Variants in RBMS3 observed in about 807,000 individuals in gnomAD.
RBMS3 encodes RNA-binding motif, single-stranded-interacting protein 3.
A neutral mutation model predicts 66.8 loss-of-function variants in RBMS3; 27 were observed. The observed-to-expected ratio is 0.40, with a 90% CI of 0.30 to 0.56. The LOEUF (loss-of-function observed/expected upper bound fraction) is 0.56, where lower values mean the gene tolerates loss of function less well. RBMS3 is among the 20% of genes least tolerant of loss of function. The pLI is 0.40. For synonymous variants in RBMS3, 188 were observed against 183.0 expected (o/e 1.03, Z -0.22); for missense variants, 513 against 549.5 (o/e 0.93, Z 0.66).
intron 6 of RBMS3, among the ~76,000 whole-genome samples, chr3:29,832,472 G>A (rs991516855): frequency 2.1e-4 from 31 of 149,490 alleles, no homozygotes; most frequent in Non-Finnish European, 2.8e-4. Context: ...GGAGCAAAAG[G>A]TATCCAAGGA....
At chr3:29,799,417 C>CT (rs1370980543) in intron 6 of RBMS3, among the ~76,000 whole-genome samples, 1 of 151,908 alleles carries the variant, frequency 6.6e-6, no homozygotes, top group Non-Finnish European at 1.5e-5. Context: ...TTCCCTACAA[C>CT]TTTTTTTTAG....
chr3:29,609,543 A>G (rs1258256448), intron 4 of RBMS3, among the ~76,000 whole-genome samples: 1 of 151,982 alleles, frequency 6.6e-6, no homozygotes, highest in Non-Finnish European at 1.5e-5. Flanking sequence ...CACTATGTAA[A>G]CAACCAGCAT....
At chr3:29,607,348 G>A (rs774296936) in intron 4 of RBMS3, among the ~76,000 whole-genome samples, 1 of 151,888 alleles carries the variant, frequency 6.6e-6, no homozygotes, top group Non-Finnish European at 1.5e-5. Flanking sequence ...CAAGATCAAG[G>A]TGCTGACAGA....
At chr3:29,914,587 G>A (rs529495872) in intron 10 of RBMS3, among the ~76,000 whole-genome samples, 9 of 151,798 alleles carry the variant, frequency 5.9e-5, no homozygotes, top group African/African-American at 2.2e-4. Context: ...CCCCTTACAA[G>A]CAAGATTGTT....
At chr3:29,584,775 G>T (rs2047453909) in intron 3 of RBMS3, among the ~76,000 whole-genome samples, 1 of 151,980 alleles carries the variant, frequency 6.6e-6, no homozygotes. Flanking sequence ...ATAACTCAAA[G>T]CATCCATTTC....
At chr3:29,783,601 GC>G (rs1183232669) in intron 6 of RBMS3, among the ~76,000 whole-genome samples, 1 of 151,904 alleles carries the variant, frequency 6.6e-6, no homozygotes, top group Non-Finnish European at 1.5e-5. Flanking sequence ...CCTCCATAAA[GC>G]ATAAACCTCA....
At chr3:29,664,224 G>T (rs1034733277) in intron 4 of RBMS3, among the ~76,000 whole-genome samples, 1 of 152,068 alleles carries the variant, frequency 6.6e-6, no homozygotes, top group Non-Finnish European at 1.5e-5. Flanking sequence ...GCACGGCGAC[G>T]CATGCTTGTA....
At chr3:29,922,493 C>CAAAAA (rs68121692) in intron 10 of RBMS3, among the ~76,000 whole-genome samples, 24 of 98,966 alleles carry the variant, frequency 2.4e-4, no homozygotes, top group Non-Finnish European at 3.4e-4. Context: ...GACTCCGTCT[C>CAAAAA]AAAAAAAAAA....
intron 1 of RBMS3, among the ~76,000 whole-genome samples, chr3:29,309,453 C>A (rs187435125): frequency 6.6e-5 from 10 of 151,682 alleles, no homozygotes; most frequent in Non-Finnish European, 1.2e-4. Flanking sequence ...TGTACTGACA[C>A]GTTAAATTCT....
chr3:29,349,635 T>C (rs2036785337), intron 1 of RBMS3, among the ~76,000 whole-genome samples: 1 of 152,224 alleles, frequency 6.6e-6, no homozygotes, highest in African/African-American at 2.4e-5. Flanking sequence ...ATCCTCAATG[T>C]AGATTTTAGG....
intron 3 of RBMS3, among the ~76,000 whole-genome samples, chr3:29,535,947 T>C (rs769781844): frequency 1.1e-4 from 16 of 152,038 alleles, no homozygotes; most frequent in Non-Finnish European, 2.1e-4. Flanking sequence ...CAAATAGTCA[T>C]TGTAATAGTT....
intron 3 of RBMS3, among the ~76,000 whole-genome samples, chr3:29,519,739 A>AT (rs1189375881): frequency 6.6e-6 from 1 of 152,034 alleles, no homozygotes; most frequent in Non-Finnish European, 1.5e-5. Context: ...CTTGGACCTC[A>AT]TTTTCCCCCC....
At chr3:29,654,521 C>CGTGTGTGT (rs56163408) in intron 4 of RBMS3, among the ~76,000 whole-genome samples, 2 of 118,960 alleles carry the variant, frequency 1.7e-5, no homozygotes, top group Non-Finnish European at 3.5e-5. Flanking sequence ...GAATTGGATT[C>CGTGTGTGT]GTGTGTGTGT....
intron 1 of RBMS3, among the ~76,000 whole-genome samples, chr3:29,291,786 T>G (rs183639785): frequency 1.3e-5 from 2 of 151,882 alleles, no homozygotes; most frequent in Non-Finnish European, 2.9e-5. Context: ...TACGTGCCTT[T>G]TAAAGAACAC....
At chr3:29,884,258 T>G (rs775875204) in intron 8 of RBMS3, 50 bp downstream of exon 8, 6 of 1,508,652 alleles carry the variant, frequency 4.0e-6, no homozygotes, top group South Asian at 3.5e-5. Context: ...ATCTTTGAGC[T>G]CTGAATCAAC....
intron 2 of RBMS3, among the ~76,000 whole-genome samples, chr3:29,451,368 C>G (rs2042013071): frequency 6.6e-6 from 1 of 152,038 alleles, no homozygotes; most frequent in Non-Finnish European, 1.5e-5. Flanking sequence ...GTCTTAGGTA[C>G]TTGCAAGAAT....
At chr3:29,944,950 A>G (rs944142785) in intron 12 of RBMS3, among the ~76,000 whole-genome samples, 14 of 151,784 alleles carry the variant, frequency 9.2e-5, no homozygotes, top group African/African-American at 2.9e-4. Flanking sequence ...GGATATGTCT[A>G]TGTAAAGAGG....
At chr3:29,360,813 G>T (rs1443066272) in intron 1 of RBMS3, among the ~76,000 whole-genome samples, 1 of 151,910 alleles carries the variant, frequency 6.6e-6, no homozygotes, top group African/African-American at 2.4e-5. Context: ...GGCCTTCTTT[G>T]TCTCTTTTGA....
intron 6 of RBMS3, among the ~76,000 whole-genome samples, chr3:29,804,346 A>T (rs953245104): frequency 6.6e-6 from 1 of 152,062 alleles, no homozygotes; most frequent in Non-Finnish European, 1.5e-5. Context: ...ATCACAAAAT[A>T]GGCCCAAATA....
Sources: allele counts gnomAD v4.1 joint callset (sites outside exome capture counted in the v4.1 genomes callset), GRCh38; gene constraint gnomAD v4.1.1; transcripts MANE v1.5; gene names NCBI Gene and HGNC (gene_info 2026-07-23, HGNC 2026-07-21).